Variants in QRICH1 observed in about 807,000 individuals in gnomAD.
QRICH1 encodes the protein glutamine rich 1.
QRICH1 carries 16 observed loss-of-function variants against 87.1 expected under a neutral mutation model. The ratio of observed to expected loss-of-function variants is 0.18; its 90% confidence interval spans 0.12 to 0.28. QRICH1 has a LOEUF of 0.28. Among genes scored for constraint, QRICH1 ranks in the 10% least tolerant of loss-of-function variants. QRICH1 has a pLI of 1.00. For synonymous variants in QRICH1, 367 were observed against 368.4 expected (o/e 1.00, Z 0.05); for missense variants, 647 against 951.7 (o/e 0.68, Z 4.21).
At position 49,094,018 on chromosome 3, in the gene QRICH1, T is replaced by C. The variant is rs1251085311; in HGVS notation, c.-128A>G. 2.5e-6 allele frequency: 1 copy of C among 398,330 alleles called. No individual in the cohort carries two copies. Among genetic ancestry groups the C allele is most frequent in the African/African-American group, 2.1e-5 (1 of 48,470 alleles). 24.7% of individuals were successfully genotyped at this position (398,330 alleles called of 1,614,324 possible). On this transcript the variant is annotated 5_prime_UTR_variant, in exon 1 of 10. Transcript: ENST00000395443. The stretch of plus-strand genomic sequence containing the variant: ...CGTCGTCGCTCCAAGACCGACAGGG[T>C]TTTCTCCTCACAGCTCCCTGGGCGC...
At chr3:49,036,255 T>C (rs1281542184) in intron 6 of QRICH1, among the ~76,000 whole-genome samples, 1 of 152,146 alleles carries the variant, frequency 6.6e-6, no homozygotes, top group Non-Finnish European at 1.5e-5. Flanking sequence ...TTAAAAACAA[T>C]TTCTAGTTCT....
chr3:49,030,186 CAAAAAAGA>C lies in QRICH1; in HGVS notation c.*258_*265del. ...CCAAGCCCTTTCCCCAGGCCCCAGA[CAAAAAAGA>C]GTCAGCCAGCAACTTTCTAGGACAT... On this transcript the variant is annotated 3_prime_UTR_variant, in exon 10 of 10. Transcript: ENST00000395443. The C allele has an allele frequency of 3.9e-6, 2 of 509,038 alleles. No individual in the cohort carries two copies. The highest frequency in any genetic ancestry group is 6.0e-5 in the South Asian group (2 of 33,294). 31.5% of individuals were successfully genotyped at this position (509,038 alleles called of 1,614,324 possible). A position where few individuals can be genotyped will look rare whatever the true frequency, so the allele number is the denominator to read the frequency against.
intron 6 of QRICH1, 199 bp from the exon 7 acceptor site, chr3:49,033,427 C>T (rs2093254753): frequency 2.6e-6 from 1 of 388,502 alleles, no homozygotes; most frequent in African/African-American, 2.1e-5. Context: ...GAGGTGGAAC[C>T]TGATGATGAG....
At chr3:49,046,664 T>C (rs2093341131) in intron 4 of QRICH1, 85 bp from the exon 5 acceptor site, 6 of 1,454,628 alleles carry the variant, frequency 4.1e-6, no homozygotes, top group Non-Finnish European at 9.3e-7. Context: ...ATCAGGGTGC[T>C]GGGATAGAAA....
At chr3:49,065,684 CTTT>C (rs935571492) in intron 2 of QRICH1, among the ~76,000 whole-genome samples, 3 of 140,418 alleles carry the variant, frequency 2.1e-5, no homozygotes, top group Non-Finnish European at 1.6e-5. Context: ...GAGTCTCTCT[CTTT>C]TTTTTTTTTT....
upstream of QRICH1, chr3:49,094,245 G>A (rs986223940): frequency 2.6e-6 from 1 of 381,126 alleles, no homozygotes; most frequent in Non-Finnish European, 4.6e-6. Flanking sequence ...GCCCATGGAC[G>A]CCTCTCCATG....
At chr3:49,061,118 G>C (rs2093432010) in intron 2 of QRICH1, among the ~76,000 whole-genome samples, 1 of 125,160 alleles carries the variant, frequency 8.0e-6, no homozygotes, top group Non-Finnish European at 1.6e-5. Context: ...CTGGGTGACA[G>C]AGTGAGCCTC....
intron 9 of QRICH1, 126 bp from the exon 10 acceptor site, chr3:49,030,770 T>C (rs573951963): frequency 1.2e-6 from 1 of 814,036 alleles, no homozygotes; most frequent in African/African-American, 1.8e-5. Context: ...AGCTACTGAA[T>C]TCCATGCAGC....
At chr3:49,064,971 C>T (rs1441832550) in intron 2 of QRICH1, among the ~76,000 whole-genome samples, 2 of 151,858 alleles carry the variant, frequency 1.3e-5, no homozygotes, top group East Asian at 1.9e-4. Context: ...GAGCGGAGAT[C>T]GTGTCACTCA....
chr3:49,030,379 A>T lies in QRICH1; in HGVS notation c.*73T>A, dbSNP rs2093227726. 4 of 1,362,768 alleles carry T rather than the reference A, an allele frequency of 2.9e-6. No homozygotes were observed. The highest frequency in any genetic ancestry group is 3.0e-6 in the Non-Finnish European group (3 of 991,758). 84.4% of individuals were successfully genotyped at this position (1,362,768 alleles called of 1,614,324 possible). A position where few individuals can be genotyped will look rare whatever the true frequency, so the allele number is the denominator to read the frequency against. On this transcript the variant is annotated 3_prime_UTR_variant, in exon 10 of 10. Transcript: ENST00000395443. ...ATAAAAAAAAGAAAAAAAAAAATGG[A>T]GGCCTCTTCTTTAGTGTGAAAGTCT...
At chr3:49,069,239 A>G (rs962031479) in intron 2 of QRICH1, among the ~76,000 whole-genome samples, 29 of 151,240 alleles carry the variant, frequency 1.9e-4, no homozygotes, top group Middle Eastern at 3.4e-3. Flanking sequence ...AGTAGCTGGG[A>G]TTACAGGTGC....
At chr3:49,054,803 G>T (rs1028007880) in intron 3 of QRICH1, among the ~76,000 whole-genome samples, 8 of 152,094 alleles carry the variant, frequency 5.3e-5, no homozygotes, top group African/African-American at 1.9e-4. Context: ...TTGGGAGGCT[G>T]AGGCGGGAGG....
At chr3:49,043,523 A>AAAG (rs2093322697) in intron 6 of QRICH1, among the ~76,000 whole-genome samples, 1 of 144,414 alleles carries the variant, frequency 6.9e-6, no homozygotes, top group Non-Finnish European at 1.5e-5. Context: ...AAAAAAAAAA[A>AAAG]GTCTATTAAA....
intron 3 of QRICH1, among the ~76,000 whole-genome samples, chr3:49,050,800 A>G (rs1460088988): frequency 6.6e-6 from 1 of 152,150 alleles, no homozygotes; most frequent in Non-Finnish European, 1.5e-5. Flanking sequence ...GACATCTAGC[A>G]CAGACCAGGA....
chr3:49,061,541 A>C (rs889687730), intron 2 of QRICH1, among the ~76,000 whole-genome samples: 1 of 152,170 alleles, frequency 6.6e-6, no homozygotes, highest in African/African-American at 2.4e-5. Flanking sequence ...TAGGAATTAG[A>C]AAGGTAGAAA....
intron 2 of QRICH1, among the ~76,000 whole-genome samples, chr3:49,069,371 G>C (rs908301448): frequency 6.6e-6 from 1 of 151,414 alleles, no homozygotes; most frequent in Non-Finnish European, 1.5e-5. Context: ...CAAAGTGCTG[G>C]GATTAGAGGC....
intron 3 of QRICH1, among the ~76,000 whole-genome samples, chr3:49,052,392 A>G (rs1015923181): frequency 6.6e-6 from 1 of 152,176 alleles, no homozygotes; most frequent in Non-Finnish European, 1.5e-5. Flanking sequence ...ATATGTGGAA[A>G]AGGTTCCAAA....
intron 3 of QRICH1, among the ~76,000 whole-genome samples, chr3:49,048,991 TC>T (rs1317585321): frequency 1.3e-5 from 2 of 150,508 alleles, no homozygotes; most frequent in African/African-American, 2.4e-5. Flanking sequence ...AACCTTCACC[TC>T]CCAGGTTCAA....
chr3:49,043,710 C>G (rs1220422252), intron 6 of QRICH1, among the ~76,000 whole-genome samples: 1 of 151,852 alleles, frequency 6.6e-6, no homozygotes, highest in Non-Finnish European at 1.5e-5. Flanking sequence ...GCCTGTAATC[C>G]CAGCTGCTCA....
Sources: allele counts gnomAD v4.1 joint callset (sites outside exome capture counted in the v4.1 genomes callset), GRCh38; gene constraint gnomAD v4.1.1; transcripts MANE v1.5; gene names NCBI Gene and HGNC (gene_info 2026-07-23, HGNC 2026-07-21).